HUNK: variants seen among roughly 807,000 people sequenced by gnomAD.
HUNK encodes the protein hormonally up-regulated Neu-associated kinase, also known as hormonally up-regulated neu tumor-associated kinase.
In HUNK, 21 loss-of-function variants were observed where a neutral mutation model predicts 61.0. That is an observed-to-expected ratio of 0.34 (90% CI 0.24 to 0.50). HUNK has a LOEUF of 0.50. HUNK is among the 20% of genes least tolerant of loss of function. The pLI is 0.98. For synonymous variants in HUNK, 371 were observed against 386.1 expected, an observed-to-expected ratio of 0.96 and a Z score of 0.46; for missense variants, 772 against 945.7, an observed-to-expected ratio of 0.82 and a Z score of 2.41.
At chr21:31,961,111 C>T (rs1568935348) in intron 5 of HUNK, among the ~76,000 whole-genome samples, 1 of 152,328 alleles carries the variant, frequency 6.6e-6, no homozygotes, top group East Asian at 1.9e-4. Flanking sequence ...CTTCCTCCTG[C>T]TCTCCCTAAG....
intron 1 of HUNK, among the ~76,000 whole-genome samples, chr21:31,913,206 G>A (rs760903705): frequency 2.0e-5 from 3 of 152,048 alleles, no homozygotes; most frequent in Non-Finnish European, 2.9e-5. Context: ...GGAGAGGCCC[G>A]GAGTGACCCC....
At chr21:31,973,099 C>G (rs1284550535) in intron 6 of HUNK, among the ~76,000 whole-genome samples, 1 of 152,002 alleles carries the variant, frequency 6.6e-6, no homozygotes, top group African/African-American at 2.4e-5. Context: ...GATAACTTGC[C>G]TTCTGCTCCG....
intron 1 of HUNK, among the ~76,000 whole-genome samples, chr21:31,884,297 A>G (rs1457188088): frequency 6.6e-6 from 1 of 152,148 alleles, no homozygotes; most frequent in Non-Finnish European, 1.5e-5. Flanking sequence ...GTGAAAAAAT[A>G]AAAAAATAAA....
intron 7 of HUNK, among the ~76,000 whole-genome samples, chr21:31,982,638 C>T (rs901949100): frequency 2.0e-4 from 30 of 152,104 alleles, no homozygotes; most frequent in Admixed American, 9.8e-4. Flanking sequence ...TTTTATTTCA[C>T]CCATTTCCAG....
At chr21:31,949,377 T>A (rs2052833074) in intron 4 of HUNK, among the ~76,000 whole-genome samples, 1 of 152,162 alleles carries the variant, frequency 6.6e-6, no homozygotes, top group South Asian at 2.1e-4. Flanking sequence ...TGCCAGTGGA[T>A]CAGAGTTGTA....
intron 1 of HUNK, among the ~76,000 whole-genome samples, chr21:31,912,002 G>C: frequency 6.6e-6 from 1 of 152,270 alleles, no homozygotes. Flanking sequence ...AGAGCTGCTC[G>C]GTCTCCTCGT....
intron 4 of HUNK, among the ~76,000 whole-genome samples, chr21:31,948,194 G>C (rs1482208141): frequency 6.6e-6 from 1 of 152,224 alleles, no homozygotes; most frequent in African/African-American, 2.4e-5. Flanking sequence ...AACGTGGCGT[G>C]TGGGGACCCT....
rs3056170 is a variant in HUNK, at chr21:31,990,517, CTTTATTTA to C, written c.1305+376_1305+383del. ...AGTCTACTAATTTAAATGTTAATCACTTTATTTATTTATTTATTTATTTATTTATTTAT... is the reference window on the plus strand; with the variant it reads ...AGTCTACTAATTTAAATGTTAATCACTTTATTTATTTATTTATTTATTTAT... On this transcript the variant is annotated intron_variant, in intron 9 of 10. Coordinates refer to ENST00000270112, the MANE Select transcript of HUNK (RefSeq NM_014586.2). Among the ~76,000 whole-genome samples, 282 of 142,928 alleles carry C rather than the reference CTTTATTTA, an allele frequency of 2.0e-3. 1 individual carries two copies. Among genetic ancestry groups the C allele is most frequent in the South Asian group, 3.6e-3 (16 of 4,428 alleles). 93.8% of individuals were successfully genotyped at this position (142,928 alleles called of 152,430 possible). A position where few individuals can be genotyped will look rare whatever the true frequency, so the allele number is the denominator to read the frequency against.
chr21:31,997,456 A>G (rs1317894120), intron 10 of HUNK, among the ~76,000 whole-genome samples: 2 of 152,228 alleles, frequency 1.3e-5, no homozygotes, highest in Non-Finnish European at 2.9e-5. Flanking sequence ...AACCTGGAGG[A>G]CATTATGCTA....
At chr21:31,959,956 G>A (rs1483209607) in intron 5 of HUNK, among the ~76,000 whole-genome samples, 1 of 152,206 alleles carries the variant, frequency 6.6e-6, no homozygotes, top group Admixed American at 6.5e-5. Context: ...GAGGCATTAA[G>A]TCCTTGGGAA....
intron 3 of HUNK, among the ~76,000 whole-genome samples, chr21:31,943,316 G>A (rs2052781344): frequency 6.6e-6 from 1 of 152,122 alleles, no homozygotes; most frequent in South Asian, 2.1e-4. Context: ...ACTTAGGAGA[G>A]TTTTGCACTT....
intron 1 of HUNK, among the ~76,000 whole-genome samples, chr21:31,921,325 A>G (rs2123814302): frequency 6.6e-6 from 1 of 151,912 alleles, no homozygotes; most frequent in South Asian, 2.1e-4. Flanking sequence ...TGGTCCCTGC[A>G]TTAAGCCATG....
At chr21:31,926,951 A>ATTCT (rs767865738) in intron 2 of HUNK, among the ~76,000 whole-genome samples, 2 of 151,734 alleles carry the variant, frequency 1.3e-5, no homozygotes, top group African/African-American at 2.4e-5. Flanking sequence ...GAAGGCCATT[A>ATTCT]TTCTTTCTTT....
rs1398871584 is a variant in HUNK, at chr21:31,940,220, G to T, written c.610G>T (p.Asp204Tyr). The change falls in exon 3 of 11, where the codon GAC becomes TAC. Residue 204 changes from aspartate (D) to tyrosine (Y), a missense_variant and splice_region_variant. Physicochemically the swap from Asp to Tyr is radical, Grantham distance 160. Transcript: ENST00000270112. ...TGAAGACAATAATATCAAGCTGATTGGTATGACTTTTTTTTTTTTTTAAGC... is the reference window on the plus strand; with the variant it reads ...TGAAGACAATAATATCAAGCTGATTTGTATGACTTTTTTTTTTTTTTAAGC... ...LDEDNNIKLI[D>Y]FGLSNCAGIL... The T allele has an allele frequency of 1.9e-6, 3 of 1,560,070 alleles. No homozygotes were observed. Among genetic ancestry groups the T allele is most frequent in the South Asian group, 1.2e-5 (1 of 83,604 alleles).
intron 1 of HUNK, among the ~76,000 whole-genome samples, chr21:31,919,170 G>A (rs1471370460): frequency 2.7e-5 from 4 of 149,566 alleles, no homozygotes; most frequent in African/African-American, 7.4e-5. Flanking sequence ...TGGACTGAGC[G>A]GTATGAGGTT....
At chr21:31,932,527 C>T (rs2052705354) in intron 2 of HUNK, among the ~76,000 whole-genome samples, 1 of 152,124 alleles carries the variant, frequency 6.6e-6, no homozygotes, top group Non-Finnish European at 1.5e-5. Context: ...CATGCTTGTG[C>T]TTTTGAAAGA....
Position 31,998,636 on chromosome 21 carries a change from A to G in HUNK, c.1597A>G (p.Lys533Glu), listed in dbSNP as rs1392031232. 6.2e-7 allele frequency: 1 copy of G among 1,614,106 alleles called. No individual in the cohort carries two copies. Among genetic ancestry groups the G allele is most frequent in the East Asian group, 2.2e-5 (1 of 44,866 alleles). Residue 533 changes from lysine (K) to glutamate (E), a missense_variant, in exon 11 of 11, where the codon AAG (lysine) becomes GAG (glutamate). Physicochemically the swap from Lys to Glu is moderately conservative, Grantham distance 56. Transcript: ENST00000270112. ...VPPPRTPRIV[K>E]KPEPHQPGPG... ...ACCGCCCAGGACCCCGAGGATTGTG[A>G]AGAAACCGGAGCCCCATCAGCCAGG... is the stretch of plus-strand genomic sequence containing the variant.
At chr21:31,964,754 G>A (rs77044473) in intron 5 of HUNK, among the ~76,000 whole-genome samples, 11,758 of 152,264 alleles carry the variant, frequency 0.077, 538 homozygotes, top group South Asian at 0.13. Flanking sequence ...AAGAAAATTC[G>A]TCAGCGGAGA....
chr21:31,943,503 A>T (rs1455612139), intron 3 of HUNK, among the ~76,000 whole-genome samples: 1 of 152,222 alleles, frequency 6.6e-6, no homozygotes, highest in Non-Finnish European at 1.5e-5. Flanking sequence ...GCAGATGTGT[A>T]CAGTTTTAAT....
Sources: allele counts gnomAD v4.1 joint callset (sites outside exome capture counted in the v4.1 genomes callset), GRCh38; gene constraint gnomAD v4.1.1; transcripts MANE v1.5; gene names NCBI Gene and HGNC (gene_info 2026-07-23, HGNC 2026-07-21).